CYTH4: variants seen among roughly 807,000 people sequenced by gnomAD.
CYTH4 encodes the protein cytohesin-4.
A neutral mutation model predicts 57.5 loss-of-function variants in CYTH4; 22 were observed. That is an observed-to-expected ratio of 0.38 (90% confidence interval 0.27 to 0.55). CYTH4 has a LOEUF of 0.55. CYTH4 is among the 20% of genes least tolerant of loss of function. The probability of loss-of-function intolerance (pLI) is 0.74; values close to 1 mark genes in which losing one functional copy is unlikely to be tolerated. For synonymous variants in CYTH4, 186 were observed against 206.5 expected (o/e 0.90, Z 0.85); for missense variants, 420 against 535.6 (o/e 0.78, Z 2.13).
At chr22:37,289,040 G>A (rs974598386) in intron 1 of CYTH4, among the ~76,000 whole-genome samples, 1 of 152,198 alleles carries the variant, frequency 6.6e-6, no homozygotes, top group African/African-American at 2.4e-5. Context: ...TTTCCAACAC[G>A]TGTCGACTCC....
At chr22:37,290,597 C>T (rs971100113) in intron 1 of CYTH4, among the ~76,000 whole-genome samples, 6 of 152,148 alleles carry the variant, frequency 3.9e-5, no homozygotes, top group Admixed American at 2.6e-4. Context: ...GCTCCGCCTC[C>T]CAGGTTCACG....
At chr22:37,293,433 C>T (rs935432139) in intron 2 of CYTH4, among the ~76,000 whole-genome samples, 5 of 152,232 alleles carry the variant, frequency 3.3e-5, no homozygotes, top group African/African-American at 1.2e-4. Flanking sequence ...CCTCCATGAA[C>T]ACAGAGCCGA....
At position 37,295,865 on chromosome 22, in the gene CYTH4, C is replaced by G; in HGVS notation, c.168-134C>G. The G allele has an allele frequency of 1.2e-6, 1 of 865,316 alleles. No homozygotes were observed. Among genetic ancestry groups the G allele is most frequent in the Non-Finnish European group, 1.9e-6 (1 of 538,072 alleles). 53.6% of individuals were successfully genotyped at this position (865,316 alleles called of 1,614,324 possible). Reference sequence around the variant, plus strand: ...TGCTCTCTCCCGCCCAGGTGGTTCCCATGCAGGACCCGGAGGCCACACTTG... The same window carrying G: ...TGCTCTCTCCCGCCCAGGTGGTTCCGATGCAGGACCCGGAGGCCACACTTG... On this transcript the variant is annotated intron_variant, in intron 3 of 12. Transcript: ENST00000248901. The surrounding 1 kb of genome is among the most constrained non-coding windows in gnomAD (Gnocchi z 4.1).
intron 4 of CYTH4, 61 bp downstream of exon 4, chr22:37,296,126 G>C: frequency 1.3e-6 from 2 of 1,534,282 alleles, no homozygotes; most frequent in Non-Finnish European, 1.8e-6. Flanking sequence ...GCACCTGCCT[G>C]GTGTCCTCTC....
chr22:37,302,147 A>T (rs2145864779), intron 7 of CYTH4: 1 of 167,044 alleles, frequency 6.0e-6, no homozygotes, highest in Middle Eastern at 5.2e-4. Context: ...CTTCCAGAAC[A>T]TTTGCCCTAC....
At chr22:37,296,998 A>G (rs528672630) in intron 4 of CYTH4, among the ~76,000 whole-genome samples, 2 of 152,266 alleles carry the variant, frequency 1.3e-5, no homozygotes, top group East Asian at 3.9e-4. Flanking sequence ...TCAAATCCGA[A>G]AAACAGATTT....
At chr22:37,292,392 C>A in intron 1 of CYTH4, 2 of 530,514 alleles carry the variant, frequency 3.8e-6, no homozygotes, top group Non-Finnish European at 6.7e-6. Context: ...AAACAGGATC[C>A]TTTTGGGGGT....
intron 6 of CYTH4, 120 bp from the exon 7 acceptor site, chr22:37,300,787 C>G: frequency 2.6e-6 from 2 of 777,772 alleles, no homozygotes; most frequent in Non-Finnish European, 4.2e-6. Context: ...GCCCAGATGA[C>G]AGTTGCAGAT....
chr22:37,282,760 G>A (rs1928410994), intron 1 of CYTH4, among the ~76,000 whole-genome samples, 172 bp downstream of exon 1: 1 of 152,240 alleles, frequency 6.6e-6, no homozygotes, highest in Non-Finnish European at 1.5e-5. Flanking sequence ...CGTTCTAGGG[G>A]CTGGACACAC....
intron 1 of CYTH4, among the ~76,000 whole-genome samples, chr22:37,284,796 C>T (rs746599290): frequency 1.6e-4 from 24 of 152,148 alleles, no homozygotes; most frequent in Non-Finnish European, 2.5e-4. Context: ...GGGCCTGTGT[C>T]GGGAAGCAGG....
chr22:37,305,296 G>T (rs1036267046), intron 8 of CYTH4, among the ~76,000 whole-genome samples: 3 of 152,118 alleles, frequency 2.0e-5, no homozygotes, highest in African/African-American at 7.2e-5. Flanking sequence ...CCAGGCTTTG[G>T]GGTCTATTAT....
intron 4 of CYTH4, chr22:37,296,296 C>A (rs1569107508): frequency 3.5e-6 from 2 of 570,950 alleles, no homozygotes; most frequent in Non-Finnish European, 6.3e-6. Flanking sequence ...ATGGAGGAGG[C>A]CACGGTGTCC....
intron 8 of CYTH4, among the ~76,000 whole-genome samples, chr22:37,306,154 T>C (rs1392179820): frequency 6.6e-6 from 1 of 152,004 alleles, no homozygotes; most frequent in Non-Finnish European, 1.5e-5. Flanking sequence ...TGAGAAAAGC[T>C]AGGAGAGGAA....
intron 1 of CYTH4, among the ~76,000 whole-genome samples, chr22:37,285,753 T>C (rs1225206599): frequency 6.6e-6 from 1 of 152,070 alleles, no homozygotes; most frequent in Non-Finnish European, 1.5e-5. Flanking sequence ...CCCATGAGCC[T>C]ACACCGGTGC....
In CYTH4 at chr22:37,313,784, C is replaced by T; in HGVS notation, c.*273C>T. 2.2e-6 allele frequency: 1 copy of T among 456,696 alleles called. No individual in the cohort carries two copies. Among genetic ancestry groups the T allele is most frequent in the Non-Finnish European group, 3.9e-6 (1 of 254,566 alleles). The allele number at this position is 456,696 out of a possible 1,614,324, so 28.3% of individuals were successfully genotyped here. On this transcript the variant is annotated 3_prime_UTR_variant, in exon 13 of 13. Coordinates refer to ENST00000248901, the MANE Select transcript of CYTH4 (RefSeq NM_013385.5). ...GCACTACAGGAAGGGGTGAGGAGAG[C>T]AGCCAGAGGAAAACCAGCCCCAGAA...
In CYTH4 at chr22:37,294,715, CGGA is replaced by C; in HGVS notation, c.163_165del (p.Glu55del). On this transcript the variant is annotated inframe_deletion, in exon 3 of 13. Coordinates refer to ENST00000248901, the MANE Select transcript of CYTH4 (RefSeq NM_013385.5). ...GCCCAAATCGACTGCTTCGAGAGTG[CGGA>C]GGAGAGGTGAGGGGCTTGGGTGGGG... 1 of 1,613,618 alleles carries C rather than the reference CGGA, an allele frequency of 6.2e-7. No homozygotes were observed. The highest frequency in any genetic ancestry group is 8.5e-7 in the Non-Finnish European group (1 of 1,179,728).
At chr22:37,299,799 G>T (rs910257893) in intron 6 of CYTH4, among the ~76,000 whole-genome samples, 1 of 152,138 alleles carries the variant, frequency 6.6e-6, no homozygotes, top group South Asian at 2.1e-4. Context: ...GCTCACCCCC[G>T]TGTGACCTTA....
chr22:37,283,612 C>T (rs1928442544), intron 1 of CYTH4, among the ~76,000 whole-genome samples: 1 of 152,052 alleles, frequency 6.6e-6, no homozygotes, highest in Admixed American at 6.5e-5. Context: ...CAGAGAACCA[C>T]TGATCCATTT....
chr22:37,291,222 TGGATAGGTGG>T (rs142536654), intron 1 of CYTH4, among the ~76,000 whole-genome samples: 5,284 of 152,238 alleles, frequency 0.035, 309 homozygotes, highest in African/African-American at 0.12. Context: ...AAAGTCCAAA[TGGATAGGTGG>T]GCCAGGTGAA....
Sources: gnomAD v4.1 joint callset for allele counts (sites outside exome capture counted in the v4.1 genomes callset) on GRCh38, gnomAD v4.1.1 for gene constraint, Gnocchi (gnomAD v3.1) non-coding constraint, MANE v1.5 for transcripts, NCBI Gene and HGNC (gene_info 2026-07-23, HGNC 2026-07-21) for gene names.